SAMD12: variants seen among roughly 807,000 people sequenced by gnomAD.
SAMD12 encodes the protein sterile alpha motif domain-containing protein 12.
In SAMD12, 9 loss-of-function variants were observed where a neutral mutation model predicts 15.0. The ratio of observed to expected loss-of-function variants is 0.60; its 90% CI spans 0.36 to 1.05. The LOEUF is 1.05. Ranked by LOEUF, SAMD12 falls within the 50% of genes least tolerant of loss-of-function variation. The pLI is 0.01. For missense variants in SAMD12, 230 were observed against 234.2 expected (o/e 0.98, Z 0.12); for synonymous variants, 86 against 90.1 (o/e 0.96, Z 0.25).
At chr8:118,562,712 T>C (rs1795472030) in intron 2 of SAMD12, among the ~76,000 whole-genome samples, 1 of 152,244 alleles carries the variant, frequency 6.6e-6, no homozygotes, top group Non-Finnish European at 1.5e-5. Context: ...TGGAAGTATA[T>C]ACAAATTATT....
At chr8:118,520,162 A>G (rs1024642011) in intron 2 of SAMD12, among the ~76,000 whole-genome samples, 1 of 152,230 alleles carries the variant, frequency 6.6e-6, no homozygotes, top group Non-Finnish European at 1.5e-5. Context: ...TTATTAGAAT[A>G]TAATGATTTA....
chr8:118,451,230 G>A (rs1823071869), intron 2 of SAMD12, among the ~76,000 whole-genome samples: 1 of 152,172 alleles, frequency 6.6e-6, no homozygotes, highest in Non-Finnish European at 1.5e-5. Context: ...ATAGAAACAG[G>A]AGAGAACAAT....
intron 2 of SAMD12, among the ~76,000 whole-genome samples, chr8:118,563,001 G>T (rs758311019): frequency 5.3e-5 from 8 of 152,134 alleles, no homozygotes; most frequent in Non-Finnish European, 8.8e-5. Flanking sequence ...GAGGAGTGAA[G>T]TGAAAAACAG....
At chr8:118,175,005 A>G in the SAMD12 span, among the ~76,000 whole-genome samples, 1 of 151,200 alleles carries the variant, frequency 6.6e-6, no homozygotes, top group African/African-American at 2.4e-5. Flanking sequence ...TATGACTTTC[A>G]AAAAATTTAG....
intron 3 of SAMD12, among the ~76,000 whole-genome samples, chr8:118,412,973 C>G (rs555599400): frequency 6.6e-6 from 1 of 152,012 alleles, no homozygotes; most frequent in Admixed American, 6.6e-5. Flanking sequence ...GAAAAGGACA[C>G]GCAAGATTGG....
At chr8:118,450,226 A>G (rs1246036757) in intron 2 of SAMD12, among the ~76,000 whole-genome samples, 2 of 152,214 alleles carry the variant, frequency 1.3e-5, no homozygotes, top group African/African-American at 2.4e-5. Context: ...GGTGTCTACA[A>G]TAAAAACTCA....
chr8:118,556,779 A>G (rs981373314), intron 2 of SAMD12, among the ~76,000 whole-genome samples: 7 of 151,990 alleles, frequency 4.6e-5, no homozygotes, highest in Admixed American at 1.3e-4. Flanking sequence ...CCTGGCCAGC[A>G]TGGTGAAACC....
At position 118,379,053 on chromosome 8, in the gene SAMD12, T is replaced by C; in HGVS notation, c.*364A>G. On this transcript the variant is annotated 3_prime_UTR_variant, in exon 4 of 4. Transcript: ENST00000314727. The stretch of plus-strand genomic sequence containing the variant: ...CATGTATAGTAATACATATCTAAAA[T>C]GTTTTTCTCCCACTAACCGGTGAAA... 15 of 1,038,934 alleles carry C rather than the reference T, an allele frequency of 1.4e-5. No homozygotes were observed. Among genetic ancestry groups the C allele is most frequent in the Non-Finnish European group, 1.7e-5 (15 of 860,642 alleles). 64.4% of individuals were successfully genotyped at this position (1,038,934 alleles called of 1,614,324 possible).
chr8:118,249,291 T>G (rs1812767050), intron 4 of SAMD12, among the ~76,000 whole-genome samples: 1 of 152,174 alleles, frequency 6.6e-6, no homozygotes, highest in Admixed American at 6.5e-5. Flanking sequence ...ATTGTGATCC[T>G]TATATTATGC....
At chr8:118,562,742 G>A (rs1826742116) in intron 2 of SAMD12, among the ~76,000 whole-genome samples, 1 of 152,176 alleles carries the variant, frequency 6.6e-6, no homozygotes, top group African/African-American at 2.4e-5. Context: ...TATTTATTTA[G>A]GATTAAAAGG....
chr8:118,278,325 C>T (rs936060551), intron 4 of SAMD12, among the ~76,000 whole-genome samples: 2 of 152,240 alleles, frequency 1.3e-5, no homozygotes, highest in Non-Finnish European at 2.9e-5. Flanking sequence ...TTCTCATGAA[C>T]AACCCAAGAG....
chr8:118,344,011 T>C (rs1817504358), intron 4 of SAMD12, among the ~76,000 whole-genome samples: 1 of 152,206 alleles, frequency 6.6e-6, no homozygotes, highest in Non-Finnish European at 1.5e-5. Context: ...GGTCATTACA[T>C]GGAAATTCCT....
chr8:118,157,578 A>T, the SAMD12 span, among the ~76,000 whole-genome samples: 1 of 152,244 alleles, frequency 6.6e-6, no homozygotes, highest in South Asian at 2.1e-4. Flanking sequence ...TATATATTTT[A>T]AAAAGCCTAA....
At chr8:118,314,447 A>G (rs1210275384) in intron 4 of SAMD12, among the ~76,000 whole-genome samples, 1 of 152,114 alleles carries the variant, frequency 6.6e-6, no homozygotes, top group African/African-American at 2.4e-5. Context: ...TATTTCTATG[A>G]AATTTTATCA....
At position 118,583,525 on chromosome 8, in the gene SAMD12, AT is replaced by A. The variant is rs200333459; in HGVS notation, c.14-2633del. ...ATCCTCTGCTGCTTCCTACCTTGAA[AT>A]TCATGACCTAGGAATACCACTGAAC... is the stretch of plus-strand genomic sequence containing the variant. On this transcript the variant is annotated intron_variant, in intron 1 of 3. Transcript: ENST00000314727. Among the ~76,000 whole-genome samples, 766 of 152,140 alleles carry A rather than the reference AT, an allele frequency of 5.0e-3. 5 individuals carry two copies. The highest frequency in any genetic ancestry group is 0.014 in the Middle Eastern group (4 of 294).
chr8:118,184,176 A>T, the SAMD12 span, among the ~76,000 whole-genome samples: 2 of 142,694 alleles, frequency 1.4e-5, no homozygotes, highest in African/African-American at 5.4e-5. Context: ...ATAAAAAAAA[A>T]TATATAAAAC....
chr8:118,488,841 T>A (rs1183943758), intron 2 of SAMD12, among the ~76,000 whole-genome samples: 1 of 152,252 alleles, frequency 6.6e-6, no homozygotes, highest in Admixed American at 6.5e-5. Context: ...TTTGTTTGGA[T>A]ACATTTTCAT....
chr8:118,199,956 G>A (rs752475896), intron 4 of SAMD12, among the ~76,000 whole-genome samples: 2 of 152,126 alleles, frequency 1.3e-5, no homozygotes, highest in Non-Finnish European at 2.9e-5. Flanking sequence ...TAATTCCCAC[G>A]CATTGTGGGG....
chr8:118,510,029 C>T (rs1176321433), intron 2 of SAMD12, among the ~76,000 whole-genome samples: 2 of 152,152 alleles, frequency 1.3e-5, no homozygotes, highest in African/African-American at 2.4e-5. Flanking sequence ...TCTGTGCACA[C>T]TAGAGTAGTT....
Sources: gnomAD v4.1 joint callset for allele counts (sites outside exome capture counted in the v4.1 genomes callset) on GRCh38, gnomAD v4.1.1 for gene constraint, MANE v1.5 for transcripts, NCBI Gene and HGNC (gene_info 2026-07-23, HGNC 2026-07-21) for gene names.